Variants in NKAIN1 observed in about 807,000 individuals in gnomAD.
NKAIN1 encodes sodium/potassium-transporting ATPase subunit beta-1-interacting protein 1.
NKAIN1 carries 13 observed loss-of-function variants against 31.6 expected under a neutral mutation model. The ratio of observed to expected loss-of-function variants is 0.41; its 90% CI spans 0.27 to 0.65. NKAIN1 has a LOEUF of 0.65. Among genes scored for constraint, NKAIN1 ranks in the 30% least tolerant of loss-of-function variants. The probability of loss-of-function intolerance (pLI) is 0.30; values close to 1 mark genes in which losing one functional copy is unlikely to be tolerated. For synonymous variants in NKAIN1, 104 were observed against 109.0 expected (o/e 0.95, Z 0.28); for missense variants, 193 against 262.2 (o/e 0.74, Z 1.82).
intron 1 of NKAIN1, among the ~76,000 whole-genome samples, chr1:31,218,361 C>T (rs573473927): frequency 6.8e-4 from 104 of 152,160 alleles, no homozygotes; most frequent in Non-Finnish European, 1.3e-4. Flanking sequence ...CGCACCTGGC[C>T]GCAGCTACCA....
chr1:31,181,755 G>C, intron 6 of NKAIN1, 43 bp from the exon 7 acceptor site: 2 of 1,534,292 alleles, frequency 1.3e-6, no homozygotes, highest in Non-Finnish European at 1.8e-6. Context: ...GATCCCAAAA[G>C]TATGGGGGCG....
At chr1:31,219,703 C>T (rs1469447905) in intron 1 of NKAIN1, among the ~76,000 whole-genome samples, 1 of 152,222 alleles carries the variant, frequency 6.6e-6, no homozygotes, top group Non-Finnish European at 1.5e-5. Context: ...AAAGGAAGGT[C>T]TCAGGCCACA....
Position 31,200,046 on chromosome 1 carries a change from C to CAT in NKAIN1, c.55-11860_55-11859insAT, listed in dbSNP as rs1449972874. Reference sequence around the variant, plus strand: ...ACACGCACACACACACACATGCACACGTGCACACACGCACGCGCACGCACG... The same window carrying CAT: ...ACACGCACACACACACACATGCACACATGTGCACACACGCACGCGCACGCACG... On this transcript the variant is annotated intron_variant, in intron 1 of 6. Transcript: ENST00000373736. Among the ~76,000 whole-genome samples the CAT allele has an allele frequency of 9.3e-4, 84 of 90,202 alleles. 1 individual carries two copies. Among genetic ancestry groups the CAT allele is most frequent in the Admixed American group, 2.1e-3 (16 of 7,638 alleles). The allele number at this position is 90,202 out of a possible 152,430, so 59.2% of individuals were successfully genotyped here. A position where few individuals can be genotyped will look rare whatever the true frequency, so the allele number is the denominator to read the frequency against.
intron 1 of NKAIN1, among the ~76,000 whole-genome samples, chr1:31,195,468 G>A (rs1445991905): frequency 1.3e-5 from 2 of 151,652 alleles, no homozygotes; most frequent in Non-Finnish European, 1.5e-5. Context: ...CTGCCGCCGC[G>A]GCTGGCCCCC....
intron 1 of NKAIN1, among the ~76,000 whole-genome samples, chr1:31,236,196 T>C (rs1247525124): frequency 2.0e-5 from 3 of 152,114 alleles, no homozygotes; most frequent in African/African-American, 7.2e-5. Flanking sequence ...GCCAGGTCTG[T>C]CCTGTCAAAC....
chr1:31,197,560 T>C (rs1025673045), intron 1 of NKAIN1, among the ~76,000 whole-genome samples: 7 of 143,702 alleles, frequency 4.9e-5, no homozygotes, highest in African/African-American at 1.0e-4. Context: ...TTTTTTTTTT[T>C]CCCTGAGATG....
At chr1:31,215,696 G>A (rs975426098) in intron 1 of NKAIN1, among the ~76,000 whole-genome samples, 1 of 152,108 alleles carries the variant, frequency 6.6e-6, no homozygotes, top group Non-Finnish European at 1.5e-5. Flanking sequence ...TGGCCCAACC[G>A]AAGGCCCTGG....
chr1:31,190,157 C>G (rs1393196964), intron 1 of NKAIN1, among the ~76,000 whole-genome samples: 1 of 152,138 alleles, frequency 6.6e-6, no homozygotes, highest in African/African-American at 2.4e-5. Flanking sequence ...ATATAAGAAG[C>G]CTTTTTCCAG....
chr1:31,181,477 G>A lies in NKAIN1; in HGVS notation c.*226C>T. ...AAAAAACCCGTGGTGCCCCTCCCCC[G>A]CCCCGCCCCACTCCTCCGAAGTCCG... On this transcript the variant is annotated 3_prime_UTR_variant, in exon 7 of 7. Transcript: ENST00000373736. 1 of 318,284 alleles carries A rather than the reference G, an allele frequency of 3.1e-6. No homozygotes were observed. The highest frequency in any genetic ancestry group is 5.6e-6 in the Non-Finnish European group (1 of 177,250). 19.7% of individuals were successfully genotyped at this position (318,284 alleles called of 1,614,324 possible).
intron 1 of NKAIN1, among the ~76,000 whole-genome samples, chr1:31,197,262 C>T (rs7517061): frequency 0.011 from 1,659 of 151,930 alleles, 28 homozygotes; most frequent in African/African-American, 0.038. Flanking sequence ...CAGGCACCCA[C>T]CAGCACGCCC....
intron 1 of NKAIN1, among the ~76,000 whole-genome samples, chr1:31,209,324 G>A (rs867087797): frequency 5.9e-5 from 9 of 152,152 alleles, no homozygotes; most frequent in Middle Eastern, 3.4e-3. Context: ...GCAGTGAGCC[G>A]AGATTGCGCC....
At chr1:31,220,754 C>CAAAAAAA (rs772908877) in intron 1 of NKAIN1, among the ~76,000 whole-genome samples, 4 of 58,910 alleles carry the variant, frequency 6.8e-5, no homozygotes, top group Admixed American at 2.1e-4. Flanking sequence ...ACTCCATCTC[C>CAAAAAAA]AAAAAAAAAA....
intron 1 of NKAIN1, among the ~76,000 whole-genome samples, chr1:31,196,034 G>C (rs1645323836): frequency 6.6e-6 from 1 of 152,052 alleles, no homozygotes; most frequent in Non-Finnish European, 1.5e-5. Flanking sequence ...TTTCTGCTTG[G>C]CCACTGAAAC....
chr1:31,184,336 G>A (rs528523399), intron 3 of NKAIN1, among the ~76,000 whole-genome samples: 2 of 152,112 alleles, frequency 1.3e-5, no homozygotes, highest in Non-Finnish European at 2.9e-5. Context: ...CTCCCCCTGT[G>A]TGCGACCCTG....
intron 1 of NKAIN1, among the ~76,000 whole-genome samples, chr1:31,225,037 T>C (rs1394597449): frequency 2.1e-5 from 3 of 140,540 alleles, no homozygotes; most frequent in Non-Finnish European, 4.5e-5. Flanking sequence ...TCTTTTCTTT[T>C]TTTTTTTTTG....
intron 1 of NKAIN1, among the ~76,000 whole-genome samples, chr1:31,218,028 C>CTTTA (rs1553163608): frequency 1.1e-5 from 1 of 92,288 alleles, no homozygotes; most frequent in Non-Finnish European, 2.0e-5. Context: ...TTCTTTCTTT[C>CTTTA]TTTCTTTCTT....
intron 1 of NKAIN1, among the ~76,000 whole-genome samples, chr1:31,208,873 G>A (rs1333057247): frequency 6.6e-6 from 1 of 152,156 alleles, no homozygotes; most frequent in Non-Finnish European, 1.5e-5. Context: ...GAGGCCTTGG[G>A]CAAATCACAC....
rs188615885 is a variant in NKAIN1 at position 31,237,539 on chromosome 1, G to A, written c.54+1955C>T. Among the ~76,000 whole-genome samples, 253 of 150,592 alleles carry A rather than the reference G, an allele frequency of 1.7e-3. 1 individual carries two copies. The highest frequency in any genetic ancestry group is 5.0e-3 in the African/African-American group (203 of 40,962). ...TTTTGAGACACAGTTTCACTCTGTC[G>A]TCCAGGCTGGAGTGCAGCGGCGTGA... is the stretch of plus-strand genomic sequence containing the variant. On this transcript the variant is annotated intron_variant, in intron 1 of 6. Transcript: ENST00000373736.
intron 1 of NKAIN1, among the ~76,000 whole-genome samples, chr1:31,196,097 G>A (rs1645324374): frequency 6.6e-6 from 1 of 151,936 alleles, no homozygotes; most frequent in Admixed American, 6.6e-5. Flanking sequence ...CAGCAGATAA[G>A]GCCGGGTGAT....
Sources: gnomAD v4.1 joint callset for allele counts (sites outside exome capture counted in the v4.1 genomes callset) on GRCh38, gnomAD v4.1.1 for gene constraint, MANE v1.5 for transcripts, NCBI Gene and HGNC (gene_info 2026-07-23, HGNC 2026-07-21) for gene names.